The following XNDC1N variants were observed in gnomAD, a reference collection of about 807,000 sequenced individuals.
The protein encoded by XNDC1N is XRCC1 N-terminal domain containing 1, N-terminal like.
the XNDC1N span, among the ~76,000 whole-genome samples, chr11:71,916,424 T>C: frequency 2.0e-5 from 3 of 152,254 alleles, no homozygotes; most frequent in East Asian, 5.8e-4. Flanking sequence ...GGTATGGTAA[T>C]GCCAAGCAGG....
At chr11:71,910,397 G>A in the XNDC1N span, among the ~76,000 whole-genome samples, 134 of 152,272 alleles carry the variant, frequency 8.8e-4, no homozygotes, top group African/African-American at 3.1e-3. Context: ...GGGAAGATCC[G>A]GAGTCAGGTG....
chr11:71,917,220 G>C, the XNDC1N span: 2 of 578,350 alleles, frequency 3.5e-6, no homozygotes, highest in South Asian at 4.1e-5. Flanking sequence ...CACCATGCTG[G>C]CCAGGCTGGT....
chr11:71,908,507 C>T, the XNDC1N span, among the ~76,000 whole-genome samples: 1 of 152,074 alleles, frequency 6.6e-6, no homozygotes, highest in Non-Finnish European at 1.5e-5. Flanking sequence ...CCCTCAACAG[C>T]TCGTTTACAA....
At chr11:71,926,072 G>A in the XNDC1N span, 1 of 150,942 alleles carries the variant, frequency 6.6e-6, no homozygotes, top group East Asian at 2.0e-4. Flanking sequence ...AGGAGTTCAA[G>A]ATCAGCCTGG....
At chr11:71,889,354 G>A in the XNDC1N span, among the ~76,000 whole-genome samples, 1 of 152,130 alleles carries the variant, frequency 6.6e-6, no homozygotes, top group Non-Finnish European at 1.5e-5. Flanking sequence ...GCTTCCACCT[G>A]GCTGGGTTTG....
chr11:71,874,661 CAG>C, the XNDC1N span, among the ~76,000 whole-genome samples: 1 of 152,130 alleles, frequency 6.6e-6, no homozygotes, highest in Non-Finnish European at 1.5e-5. Flanking sequence ...TTCATTTACA[CAG>C]AGAGAGACAG....
the XNDC1N span, chr11:71,884,437 C>T: frequency 6.2e-7 from 1 of 1,602,292 alleles, no homozygotes; most frequent in Admixed American, 1.7e-5. Context: ...GATGAATGTC[C>T]TTCAGAATAT....
the XNDC1N span, among the ~76,000 whole-genome samples, chr11:71,867,868 G>A: frequency 3.3e-5 from 5 of 152,112 alleles, no homozygotes; most frequent in East Asian, 5.8e-4. Flanking sequence ...ATGATCTGTC[G>A]AATGCTGTCA....
At chr11:71,900,923 C>T in the XNDC1N span, among the ~76,000 whole-genome samples, 1 of 152,190 alleles carries the variant, frequency 6.6e-6, no homozygotes, top group Non-Finnish European at 1.5e-5. Context: ...TAAGTCCAGA[C>T]ACATGGCATT....
At chr11:71,897,674 C>A in the XNDC1N span, among the ~76,000 whole-genome samples, 1 of 152,106 alleles carries the variant, frequency 6.6e-6, no homozygotes, top group African/African-American at 2.4e-5. Context: ...AAATTAGAAA[C>A]AGAATGATCA....
chr11:71,898,694 G>C, the XNDC1N span, among the ~76,000 whole-genome samples: 1 of 152,158 alleles, frequency 6.6e-6, no homozygotes, highest in African/African-American at 2.4e-5. Flanking sequence ...AACTAGAAAG[G>C]TGGCCCCCAG....
the XNDC1N span, among the ~76,000 whole-genome samples, chr11:71,879,922 C>T: frequency 7.2e-5 from 11 of 152,240 alleles, no homozygotes; most frequent in South Asian, 1.7e-3. Context: ...ATTCGTACTT[C>T]ATTCCTTCAT....
At chr11:71,921,394 T>A in the XNDC1N span, among the ~76,000 whole-genome samples, 4 of 152,126 alleles carry the variant, frequency 2.6e-5, no homozygotes, top group African/African-American at 9.7e-5. Context: ...TCTGCCCGCC[T>A]CAGCCTCCCA....
chr11:71,873,840 T>C, the XNDC1N span, among the ~76,000 whole-genome samples: 1 of 152,230 alleles, frequency 6.6e-6, no homozygotes, highest in African/African-American at 2.4e-5. Context: ...AATTAGATTT[T>C]CAATAAGGAA....
chr11:71,898,213 TG>T, the XNDC1N span, among the ~76,000 whole-genome samples: 25 of 143,586 alleles, frequency 1.7e-4, no homozygotes, highest in Middle Eastern at 3.4e-3. Context: ...TAAAACCAAA[TG>T]AAAAAAAAAA....
At chr11:71,911,084 G>A in the XNDC1N span, among the ~76,000 whole-genome samples, 7 of 152,214 alleles carry the variant, frequency 4.6e-5, no homozygotes, top group Non-Finnish European at 7.3e-5. Context: ...AACTGGACGG[G>A]GTTTCTAAAG....
the XNDC1N span, among the ~76,000 whole-genome samples, chr11:71,908,597 G>A: frequency 3.3e-5 from 5 of 152,182 alleles, no homozygotes; most frequent in African/African-American, 9.6e-5. Context: ...CTGGAGAGGC[G>A]TGTTTTTGGG....
the XNDC1N span, among the ~76,000 whole-genome samples, chr11:71,914,120 T>C: frequency 1.1e-4 from 16 of 152,116 alleles, no homozygotes; most frequent in Admixed American, 2.0e-4. Flanking sequence ...GATCAAGGAG[T>C]AATTCAACTT....
the XNDC1N span, among the ~76,000 whole-genome samples, chr11:71,911,874 C>T: frequency 6.6e-6 from 1 of 152,214 alleles, no homozygotes; most frequent in Non-Finnish European, 1.5e-5. Context: ...CTGCCCCCTT[C>T]TGGGCATCAG....
Sources: gnomAD v4.1 joint callset for allele counts (sites outside exome capture counted in the v4.1 genomes callset) on GRCh38, gnomAD v4.1.1 for gene constraint, MANE v1.5 for transcripts, NCBI Gene and HGNC (gene_info 2026-07-23, HGNC 2026-07-21) for gene names.